Variants in EGF observed in about 807,000 individuals in gnomAD.
EGF encodes epidermal growth factor.
A neutral mutation model predicts 143.8 loss-of-function variants in EGF; 95 were observed. The observed-to-expected ratio is 0.66, with a 90% CI of 0.56 to 0.78. EGF has a LOEUF of 0.78. Ranked by LOEUF, EGF falls within the 30% of genes least tolerant of loss-of-function variation. The probability of loss-of-function intolerance (pLI) is 0.00; values close to 1 mark genes in which losing one functional copy is unlikely to be tolerated. For synonymous variants in EGF, 510 were observed against 510.5 expected (o/e 1.00, Z 0.01); for missense variants, 1,320 against 1,470.9 (o/e 0.90, Z 1.68).
At chr4:109,943,597 A>G (rs1224036146) in intron 3 of EGF, among the ~76,000 whole-genome samples, 162 bp downstream of exon 3, 9 of 152,292 alleles carry the variant, frequency 5.9e-5, no homozygotes, top group Admixed American at 4.6e-4. Flanking sequence ...CTGCATTTCA[A>G]CTGAGACAGG....
intron 21 of EGF, among the ~76,000 whole-genome samples, chr4:110,003,940 C>A (rs1027851091): frequency 2.6e-5 from 4 of 152,244 alleles, no homozygotes; most frequent in Non-Finnish European, 5.9e-5. Context: ...TGACCGACTT[C>A]TTACACTACC....
chr4:109,930,499 T>C (rs1037165838), intron 1 of EGF, among the ~76,000 whole-genome samples: 5 of 152,202 alleles, frequency 3.3e-5, no homozygotes, highest in African/African-American at 1.2e-4. Flanking sequence ...TGCACTCTCT[T>C]CATCTTGTGA....
intron 11 of EGF, among the ~76,000 whole-genome samples, chr4:109,973,679 C>G (rs1166656301): frequency 6.6e-6 from 1 of 152,008 alleles, no homozygotes; most frequent in Non-Finnish European, 1.5e-5. Flanking sequence ...CTCTTCCCCT[C>G]CCACCTCTGC....
At chr4:109,934,191 T>G (rs904716217) in intron 1 of EGF, among the ~76,000 whole-genome samples, 3 of 152,244 alleles carry the variant, frequency 2.0e-5, no homozygotes, top group African/African-American at 7.2e-5. Flanking sequence ...GAGCATTTTT[T>G]CATGTGTCTG....
chr4:110,009,240 A>G (rs558566081), intron 23 of EGF, among the ~76,000 whole-genome samples: 4 of 152,164 alleles, frequency 2.6e-5, no homozygotes, highest in Non-Finnish European at 4.4e-5. Context: ...GAATATGAAA[A>G]CTACAATAAA....
intron 16 of EGF, among the ~76,000 whole-genome samples, chr4:109,984,317 G>A (rs962730638): frequency 1.7e-4 from 25 of 151,344 alleles, no homozygotes; most frequent in African/African-American, 6.1e-4. Context: ...CCCAACTTTT[G>A]TGGTCTGCAA....
intron 1 of EGF, among the ~76,000 whole-genome samples, chr4:109,934,783 T>A (rs1472791351): frequency 6.6e-6 from 1 of 152,192 alleles, no homozygotes; most frequent in Non-Finnish European, 1.5e-5. Context: ...TCCATATGTC[T>A]AGCCAGTTTT....
At chr4:109,971,837 C>T (rs925796099) in intron 11 of EGF, among the ~76,000 whole-genome samples, 5 of 152,124 alleles carry the variant, frequency 3.3e-5, no homozygotes, top group African/African-American at 1.2e-4. Flanking sequence ...GGGATGCTTG[C>T]AGTTCCTTTT....
At chr4:109,990,223 C>G (rs115546422) in intron 18 of EGF, among the ~76,000 whole-genome samples, 1,791 of 152,110 alleles carry the variant, frequency 0.012, 38 homozygotes, top group African/African-American at 0.042. Context: ...TACTGGAAAC[C>G]CTGAGAAATA....
At chr4:109,944,209 C>T (rs1469347956) in intron 4 of EGF, 140 bp downstream of exon 4, 35 of 907,150 alleles carry the variant, frequency 3.9e-5, no homozygotes, top group Admixed American at 1.3e-4. Flanking sequence ...TTTGGCCGGG[C>T]GCGGCGGATC....
chr4:109,914,073 T>TG (rs1015931071), intron 1 of EGF, among the ~76,000 whole-genome samples: 2 of 152,168 alleles, frequency 1.3e-5, no homozygotes, highest in African/African-American at 4.8e-5. Context: ...AATATGATAA[T>TG]GGGTAAATAA....
chr4:109,940,493 T>A (rs1454751484), intron 1 of EGF, among the ~76,000 whole-genome samples: 1 of 152,216 alleles, frequency 6.6e-6, no homozygotes, highest in Admixed American at 6.5e-5. Context: ...CGTCGTCTTC[T>A]AGGTCATTAT....
intron 1 of EGF, among the ~76,000 whole-genome samples, chr4:109,932,380 T>TATATATATATATATATA (rs1560643531): frequency 9.6e-5 from 10 of 103,792 alleles, no homozygotes; most frequent in East Asian, 3.2e-4. Context: ...TATATATAAA[T>TATATATATATATATATA]TTTTTTTTTT....
rs747736715 is a variant in EGF at position 109,943,957 on chromosome 4, G to A, written c.625G>A (p.Val209Met). 6.8e-6 allele frequency: 11 copies of A among 1,614,064 alleles called. No homozygotes were observed. In the South Asian group the frequency reaches 9.9e-5, roughly 14 times the overall value. ...GAAAATAACAGCTGTGTCATTGGAT[G>A]TGCTTGATAAGCGGCTGTTTTGGAT... The part of the protein sequence containing the change: ...SEKITAVSLD[V>M]LDKRLFWIQY... The change falls in exon 4 of 24, where the codon GTG (valine) becomes ATG (methionine). Residue 209 changes from valine (V) to methionine (M), a missense_variant. Around this residue, in one of 5 missense-constraint regions of EGF, gnomAD observed 1,186 missense variants for 1,313.7 expected, o/e 0.90. Coordinates refer to ENST00000265171, the MANE Select transcript of EGF (RefSeq NM_001963.6).
At chr4:109,918,524 T>C (rs147490431) in intron 1 of EGF, among the ~76,000 whole-genome samples, 50 of 152,196 alleles carry the variant, frequency 3.3e-4, no homozygotes, top group African/African-American at 1.2e-3. Flanking sequence ...CTCTCCTCTG[T>C]CTTGGAAGAT....
intron 1 of EGF, among the ~76,000 whole-genome samples, chr4:109,919,898 G>GT (rs1737473302): frequency 3.3e-5 from 5 of 151,722 alleles, no homozygotes; most frequent in Admixed American, 3.3e-4. Context: ...TGACTGGACA[G>GT]GTCAAGTGTA....
intron 1 of EGF, among the ~76,000 whole-genome samples, chr4:109,934,091 C>T (rs1431565618): frequency 6.6e-6 from 1 of 152,158 alleles, no homozygotes; most frequent in Non-Finnish European, 1.5e-5. Flanking sequence ...TCTGTTGTTT[C>T]CTGACTTTTT....
In EGF at chr4:109,987,724, G is replaced by A. The variant is rs41335850; in HGVS notation, c.2492-20G>A. 1,554 of 1,588,554 alleles carry A rather than the reference G, an allele frequency of 9.8e-4. 11 individuals carry two copies. In the African/African-American group the frequency reaches 0.018, roughly 18 times the overall value. The stretch of plus-strand genomic sequence containing the variant: ...CTCTAAGGTCTAGAAATAACTGCAC[G>A]GGATTCTTGCTATTTGTAGATCAAG... On this transcript the variant is annotated intron_variant, in intron 16 of 23. Coordinates refer to ENST00000265171, the MANE Select transcript of EGF (RefSeq NM_001963.6).
In EGF at chr4:109,947,552, C is replaced by G. The variant is rs541895683; in HGVS notation, c.940+2277C>G. ...AATGCTATAAAGTAGATGGGTGAACCCATAATGGTAGTGTAGATAGTCTAC... is the reference window on the plus strand; with the variant it reads ...AATGCTATAAAGTAGATGGGTGAACGCATAATGGTAGTGTAGATAGTCTAC... On this transcript the variant is annotated intron_variant, in intron 5 of 23. Transcript: ENST00000265171. Among the ~76,000 whole-genome samples, 24 of 152,104 alleles carry G rather than the reference C, an allele frequency of 1.6e-4. 1 individual carries two copies. The East Asian group carries it at 4.4e-3, about 28-fold the overall frequency.
Sources: gnomAD v4.1 joint callset for allele counts (sites outside exome capture counted in the v4.1 genomes callset) on GRCh38, gnomAD v4.1.1 for gene constraint, gnomAD v4.1.1 regional missense constraint, MANE v1.5 for transcripts, NCBI Gene and HGNC (gene_info 2026-07-23, HGNC 2026-07-21) for gene names.